Variants in BRMS1 observed in about 807,000 individuals in gnomAD.
BRMS1 encodes BRMS1 transcriptional repressor and anoikis regulator.
Under a neutral mutation model 40.4 loss-of-function variants are expected in BRMS1, and 26 were observed. The ratio of observed to expected loss-of-function variants is 0.64; its 90% CI spans 0.47 to 0.89. BRMS1 has a LOEUF of 0.89. Among genes scored for constraint, BRMS1 ranks in the 40% least tolerant of loss-of-function variants. The pLI, the probability that BRMS1 is intolerant of heterozygous loss-of-function variation, is 0.00. For synonymous variants in BRMS1, 103 were observed against 116.0 expected (o/e 0.89, Z 0.72); for missense variants, 289 against 309.4 (o/e 0.93, Z 0.49).
rs367980538 is a variant in BRMS1, at chr11:66,341,699, ATGTG to A, written c.140-80_140-77del. 4.8e-6 allele frequency: 6 copies of A among 1,237,252 alleles called. No homozygotes were observed. Among genetic ancestry groups the A allele is most frequent in the Admixed American group, 1.7e-5 (1 of 59,404 alleles). 76.6% of individuals were successfully genotyped at this position (1,237,252 alleles called of 1,614,324 possible). On this transcript the variant is annotated intron_variant, in intron 2 of 9. Coordinates refer to ENST00000359957, the MANE Select transcript of BRMS1 (RefSeq NM_015399.4). The surrounding 1 kb of genome is among the most constrained non-coding windows in gnomAD (Gnocchi z 4.9). Reference sequence around the variant, plus strand: ...CCGCATGTGTGCATGTGCGTCCTGCATGTGTGTGTGTGCATGCATGCCTGTGTGT... The same window carrying A: ...CCGCATGTGTGCATGTGCGTCCTGCATGTGTGTGCATGCATGCCTGTGTGT...
At chr11:66,339,521 G>A (rs1022025817) in intron 7 of BRMS1, among the ~76,000 whole-genome samples, 5 of 152,180 alleles carry the variant, frequency 3.3e-5, no homozygotes, top group East Asian at 1.9e-4. Flanking sequence ...CTGGACAGTC[G>A]GGACAGGCAG....
rs1171317779 is a variant in BRMS1 at position 66,341,684 on chromosome 11, G to C, written c.140-61C>G. On this transcript the variant is annotated intron_variant, in intron 2 of 9. Transcript: ENST00000359957. The surrounding 1 kb of genome is among the most constrained non-coding windows in gnomAD (Gnocchi z 4.9). ...AGGAGTGGTGGGTACCCGCATGTGT[G>C]CATGTGCGTCCTGCATGTGTGTGTG... 1 of 1,388,992 alleles carries C rather than the reference G, an allele frequency of 7.2e-7. No individual in the cohort carries two copies. The highest frequency in any genetic ancestry group is 2.3e-5 in the East Asian group (1 of 43,810). The allele number at this position is 1,388,992 out of a possible 1,614,324, so 86.0% of individuals were successfully genotyped here. A position where few individuals can be genotyped will look rare whatever the true frequency, so the allele number is the denominator to read the frequency against.
At chr11:66,343,572 G>C (rs1450452363) in intron 1 of BRMS1, among the ~76,000 whole-genome samples, 1 of 152,208 alleles carries the variant, frequency 6.6e-6, no homozygotes, top group Non-Finnish European at 1.5e-5. Context: ...TCCAGACAAA[G>C]ATGGACCAGC....
chr11:66,343,873 G>C (rs1211173972), intron 1 of BRMS1, among the ~76,000 whole-genome samples: 1 of 151,886 alleles, frequency 6.6e-6, no homozygotes, highest in East Asian at 1.9e-4. Context: ...AAGAGTTTTA[G>C]AAGAAAGCCA....
chr11:66,339,795 C>T (rs1465939568), intron 7 of BRMS1: 1 of 247,276 alleles, frequency 4.0e-6, no homozygotes, highest in Non-Finnish European at 8.0e-6. Flanking sequence ...ATGGGTTTCA[C>T]CATGTTGCCC....
chr11:66,341,035 C>T lies in BRMS1; in HGVS notation c.370G>A (p.Gly124Ser). The change falls in exon 5 of 10, where the codon GGC becomes AGC. Residue 124 changes from glycine to serine, a missense_variant. Gly to Ser is a moderately conservative substitution (Grantham distance 56). Transcript: ENST00000359957. The surrounding 1 kb of genome is among the most constrained non-coding windows in gnomAD (Gnocchi z 4.9). ...IRIQVAGIYK[G>S]FCLDVIRNKY... ...TTCCTGATCACATCCAGACAGAAGC[C>T]CTTGTAGATCCCTGCAGAGAAAGGG... 2 of 1,614,026 alleles carry T rather than the reference C, an allele frequency of 1.2e-6. No homozygotes were observed. The highest frequency in any genetic ancestry group is 1.7e-6 in the Non-Finnish European group (2 of 1,180,032).
intron 1 of BRMS1, chr11:66,344,542 C>T (rs1002755052): frequency 3.3e-5 from 5 of 152,210 alleles, no homozygotes; most frequent in Non-Finnish European, 5.9e-5. Context: ...TCTTTCCTCC[C>T]CCTGGTTCTG....
rs746996980 is a variant in BRMS1, at chr11:66,341,235, C to T, written c.329G>A (p.Arg110Gln). The stretch of plus-strand genomic sequence containing the variant: ...CACCTGAATGCGAATCTTGAGGCTC[C>T]GCTGCAGCCCCCCAAGGGGCTCCGT... The part of the protein sequence containing the change: ...EYTEPLGGLQ[R>Q]SLKIRIQVAG... Residue 110 changes from arginine to glutamine, a missense_variant, in exon 4 of 10, where the codon CGG becomes CAG. Coordinates refer to ENST00000359957, the MANE Select transcript of BRMS1 (RefSeq NM_015399.4). The surrounding 1 kb of genome is among the most constrained non-coding windows in gnomAD (Gnocchi z 4.9). The T allele has an allele frequency of 1.3e-5, 21 of 1,612,766 alleles. 1 individual carries two copies. Among genetic ancestry groups the T allele is most frequent in the Middle Eastern group, 1.6e-4 (1 of 6,076 alleles).
chr11:66,341,514 A>G lies in BRMS1; in HGVS notation c.230+19T>C. The G allele has an allele frequency of 6.2e-7, 1 of 1,613,082 alleles. No homozygotes were observed. The highest frequency in any genetic ancestry group is 8.5e-7 in the Non-Finnish European group (1 of 1,179,170). ...TCCCAGATCCTCGCAGACCCAGCCCAAGGTGTCCCCACGCTCACTTCTCCT... is the reference window on the plus strand; with the variant it reads ...TCCCAGATCCTCGCAGACCCAGCCCGAGGTGTCCCCACGCTCACTTCTCCT... On this transcript the variant is annotated intron_variant, in intron 3 of 9. Coordinates refer to ENST00000359957, the MANE Select transcript of BRMS1 (RefSeq NM_015399.4). The surrounding 1 kb of genome is among the most constrained non-coding windows in gnomAD (Gnocchi z 4.9).
intron 6 of BRMS1, 92 bp from the exon 7 acceptor site, chr11:66,340,305 C>T: frequency 9.1e-7 from 1 of 1,097,756 alleles, no homozygotes; most frequent in Non-Finnish European, 1.4e-6. Flanking sequence ...CCGGCCTGGC[C>T]TCATCTCCCC....
Position 66,341,445 on chromosome 11 carries a change from G to A in BRMS1, c.230+88C>T. 1 of 1,601,610 alleles carries A rather than the reference G, an allele frequency of 6.2e-7. No individual in the cohort carries two copies. On this transcript the variant is annotated intron_variant, in intron 3 of 9. Transcript: ENST00000359957. This position sits in a 1 kb window ranked among gnomAD's most constrained non-coding sequence, Gnocchi z 4.9. ...CCCGGTGTTAGGCGCGCACTTCCTG[G>A]GCACCAACCACGCCTGCCCAGTACC...
In BRMS1 at chr11:66,340,759, G is replaced by C. The variant is rs1335689597; in HGVS notation, c.535+15C>G. On this transcript the variant is annotated intron_variant, in intron 6 of 9. Transcript: ENST00000359957. ...GCGGGGCCCAGTTCCGGGGTGCCCA[G>C]GCTCTCGCGCTTACCAGAGCTGAGG... 1.2e-6 allele frequency: 2 copies of C among 1,605,184 alleles called. No homozygotes were observed. Among genetic ancestry groups the C allele is most frequent in the South Asian group, 1.1e-5 (1 of 90,386 alleles).
At chr11:66,338,018 C>A in intron 9 of BRMS1, 129 bp from the exon 10 acceptor site, 4 of 1,218,596 alleles carry the variant, frequency 3.3e-6, no homozygotes, top group Non-Finnish European at 4.6e-6. Context: ...CCCTCCCTGA[C>A]CCCTCCTGAG....
Position 66,337,586 on chromosome 11 carries a change from G to A in BRMS1, c.*296C>T, listed in dbSNP as rs985035509. The A allele has an allele frequency of 1.6e-5, 19 of 1,153,354 alleles. No individual in the cohort carries two copies. In the Admixed American group the frequency reaches 4.9e-4, roughly 30 times the overall value. The allele number at this position is 1,153,354 out of a possible 1,614,324, so 71.4% of individuals were successfully genotyped here. A position where few individuals can be genotyped will look rare whatever the true frequency, so the allele number is the denominator to read the frequency against. On this transcript the variant is annotated 3_prime_UTR_variant, in exon 10 of 10. Coordinates refer to ENST00000359957, the MANE Select transcript of BRMS1 (RefSeq NM_015399.4). The stretch of plus-strand genomic sequence containing the variant: ...TTGACTTCGGCTGTCTTCTCTGTCA[G>A]GGGAGCCCCAAGAGATGGATCTTCA...
At chr11:66,344,281 C>T (rs557948889) in intron 1 of BRMS1, among the ~76,000 whole-genome samples, 8 of 152,114 alleles carry the variant, frequency 5.3e-5, no homozygotes, top group Non-Finnish European at 1.2e-4. Context: ...GTCCCAGGTC[C>T]CTGTAATGGT....
Position 66,338,784 on chromosome 11 carries a change from G to A in BRMS1, c.630C>T (p.Gly210=). 3.2e-6 allele frequency: 5 copies of A among 1,539,498 alleles called. No homozygotes were observed. The highest frequency in any genetic ancestry group is 3.5e-6 in the Non-Finnish European group (4 of 1,141,670). The part of the protein sequence containing the change: ...SKRKKAPLVS[G]PYIVYMLQEI... ...CTTGAAGCATGTACACGATGTATGGGCCTGTGGTGGGGGTCAAGGAAGCCT... is the reference window on the plus strand; with the variant it reads ...CTTGAAGCATGTACACGATGTATGGACCTGTGGTGGGGGTCAAGGAAGCCT... The change falls in exon 8 of 10, where the codon GGC becomes GGT. Residue 210 remains glycine, a splice_region_variant and synonymous_variant. Transcript: ENST00000359957.
At chr11:66,338,189 G>C in intron 9 of BRMS1, 54 bp downstream of exon 9, 2 of 1,597,768 alleles carry the variant, frequency 1.3e-6, no homozygotes, top group Non-Finnish European at 1.7e-6. Context: ...GCTGAGCTGA[G>C]GAAAGGTGAT....
Position 66,341,760 on chromosome 11 carries a change from G to T in BRMS1, c.140-137C>A. 1.3e-6 allele frequency: 1 copy of T among 798,646 alleles called. No individual in the cohort carries two copies. Among genetic ancestry groups the T allele is most frequent in the Non-Finnish European group, 2.2e-6 (1 of 463,162 alleles). 49.5% of individuals were successfully genotyped at this position (798,646 alleles called of 1,614,324 possible). ...TGTGTGTGTGTGCGCGTACATGCTT[G>T]TGTGAAGGGGCTGTGTGTGTGCGTG... On this transcript the variant is annotated intron_variant, in intron 2 of 9. Coordinates refer to ENST00000359957, the MANE Select transcript of BRMS1 (RefSeq NM_015399.4). This position sits in a 1 kb window ranked among gnomAD's most constrained non-coding sequence, Gnocchi z 4.9.
At chr11:66,340,245 G>T in intron 6 of BRMS1, 32 bp from the exon 7 acceptor site, 1 of 1,579,784 alleles carries the variant, frequency 6.3e-7, no homozygotes, top group Non-Finnish European at 8.7e-7. Context: ...GAATTGGGGT[G>T]CTGGCCCACA....
Sources: gnomAD v4.1 joint callset for allele counts (sites outside exome capture counted in the v4.1 genomes callset) on GRCh38, gnomAD v4.1.1 for gene constraint, Gnocchi (gnomAD v3.1) non-coding constraint, MANE v1.5 for transcripts, NCBI Gene and HGNC (gene_info 2026-07-23, HGNC 2026-07-21) for gene names.